The following SCD5 variants were observed in gnomAD, a reference collection of about 807,000 sequenced individuals.
The protein encoded by SCD5 is stearoyl-CoA desaturase 5.
Under a neutral mutation model 30.4 loss-of-function variants are expected in SCD5, and 20 were observed. The observed-to-expected ratio is 0.66, with a 90% confidence interval of 0.46 to 0.96. The LOEUF (loss-of-function observed/expected upper bound fraction) is 0.96. SCD5 is among the 40% of genes least tolerant of loss of function. The pLI, the probability that SCD5 is intolerant of heterozygous loss-of-function variation, is 0.00. For missense variants in SCD5, 381 were observed against 443.3 expected (o/e 0.86, Z 1.26); for synonymous variants, 173 against 176.4 (o/e 0.98, Z 0.16).
intron 2 of SCD5, among the ~76,000 whole-genome samples, chr4:82,699,364 C>A (rs117362255): frequency 6.6e-6 from 1 of 152,128 alleles, no homozygotes; most frequent in Non-Finnish European, 1.5e-5. Flanking sequence ...AATAATAGTA[C>A]CTACTTTGTA....
chr4:82,706,775 G>A (rs1003719056), intron 1 of SCD5, among the ~76,000 whole-genome samples: 1 of 152,240 alleles, frequency 6.6e-6, no homozygotes, highest in Non-Finnish European at 1.5e-5. Flanking sequence ...TGAGCCACTG[G>A]TTGCTGACCT....
At chr4:82,690,712 TTTC>T (rs768624637) in intron 2 of SCD5, among the ~76,000 whole-genome samples, 5 of 152,228 alleles carry the variant, frequency 3.3e-5, no homozygotes, top group African/African-American at 7.2e-5. Context: ...AATCTAAACT[TTTC>T]TTCTTCTTGA....
At chr4:82,738,279 G>A (rs1451414852) in intron 1 of SCD5, among the ~76,000 whole-genome samples, 1 of 152,122 alleles carries the variant, frequency 6.6e-6, no homozygotes, top group Non-Finnish European at 1.5e-5. Context: ...AAAATTAGCT[G>A]GGTGTGGTGG....
chr4:82,708,606 A>T (rs189017367), intron 1 of SCD5, among the ~76,000 whole-genome samples: 3 of 152,342 alleles, frequency 2.0e-5, no homozygotes, highest in Non-Finnish European at 4.4e-5. Flanking sequence ...GAAGAGACAG[A>T]GTCCAGAGCT....
intron 1 of SCD5, among the ~76,000 whole-genome samples, chr4:82,769,481 A>T (rs1212321275): frequency 6.6e-6 from 1 of 152,254 alleles, no homozygotes; most frequent in Non-Finnish European, 1.5e-5. Context: ...TACAAAAATC[A>T]ATAAAATTTT....
chr4:82,743,905 A>C (rs1720933236), intron 1 of SCD5, among the ~76,000 whole-genome samples: 1 of 151,820 alleles, frequency 6.6e-6, no homozygotes, highest in Non-Finnish European at 1.5e-5. Flanking sequence ...ATCTCGGCTC[A>C]CTGCAACCCT....
At chr4:82,722,086 TA>T (rs1720381342) in intron 1 of SCD5, among the ~76,000 whole-genome samples, 1 of 152,234 alleles carries the variant, frequency 6.6e-6, no homozygotes, top group East Asian at 1.9e-4. Context: ...TTTATTACTA[TA>T]AAAAGAGTCA....
chr4:82,778,742 C>T (rs1304329469), intron 1 of SCD5, among the ~76,000 whole-genome samples: 1 of 152,134 alleles, frequency 6.6e-6, no homozygotes, highest in African/African-American at 2.4e-5. Context: ...TCCTCAGTGT[C>T]TGGGTATGGT....
At chr4:82,760,155 C>T (rs1317639595) in intron 1 of SCD5, among the ~76,000 whole-genome samples, 1 of 152,174 alleles carries the variant, frequency 6.6e-6, no homozygotes, top group Non-Finnish European at 1.5e-5. Context: ...AACCCCACGC[C>T]TCCTTTGCTC....
intron 1 of SCD5, among the ~76,000 whole-genome samples, chr4:82,750,683 GTCTGT>G (rs1368207783): frequency 6.6e-6 from 1 of 151,790 alleles, no homozygotes; most frequent in Non-Finnish European, 1.5e-5. Flanking sequence ...AGTTCATTAT[GTCTGT>G]TTAAAAGAAA....
At chr4:82,712,267 TATATATATATATATATATATATATATATA>T (rs1720114100) in intron 1 of SCD5, among the ~76,000 whole-genome samples, 1 of 46,224 alleles carries the variant, frequency 2.2e-5, no homozygotes, top group African/African-American at 1.4e-4. Flanking sequence ...TATATATATA[TATATATATATATATATATATATATATATA>T]TTTTATTTTT....
chr4:82,714,450 A>G (rs1251154102), intron 1 of SCD5, among the ~76,000 whole-genome samples: 1 of 152,178 alleles, frequency 6.6e-6, no homozygotes, highest in East Asian at 1.9e-4. Context: ...TTACTGGGTG[A>G]CAGGGACTCT....
intron 1 of SCD5, among the ~76,000 whole-genome samples, chr4:82,751,766 A>G (rs571802548): frequency 4.6e-4 from 70 of 152,282 alleles, no homozygotes; most frequent in South Asian, 8.3e-4. Context: ...AGCTGGGATT[A>G]CAGGCACGCG....
chr4:82,712,289 T>TACAC (rs1720122318), intron 1 of SCD5, among the ~76,000 whole-genome samples: 1 of 47,868 alleles, frequency 2.1e-5, no homozygotes, highest in Non-Finnish European at 3.8e-5. Context: ...TATATATATA[T>TACAC]ATATATATTT....
chr4:82,676,059 A>G (rs1728429851), intron 3 of SCD5, among the ~76,000 whole-genome samples: 1 of 151,990 alleles, frequency 6.6e-6, no homozygotes, highest in African/African-American at 2.4e-5. Context: ...TTCTAGGAAG[A>G]CTCCTTAAAG....
chr4:82,705,419 AGACACAAGCAGG>A lies in SCD5; in HGVS notation c.233-18_233-7del. ...CAGGAGGAAGCAGAAGTAGGCTGCAAGACACAAGCAGGGACAACGTCAACAATGGTCCCTGAG... is the reference window on the plus strand; with the variant it reads ...CAGGAGGAAGCAGAAGTAGGCTGCAAGACAACGTCAACAATGGTCCCTGAG... On this transcript the variant is annotated splice_polypyrimidine_tract_variant and splice_region_variant and intron_variant, in intron 1 of 4. Transcript: ENST00000319540. 6.2e-7 allele frequency: 1 copy of A among 1,614,162 alleles called. No homozygotes were observed. The highest frequency in any genetic ancestry group is 8.5e-7 in the Non-Finnish European group (1 of 1,179,996).
chr4:82,639,436 G>A (rs1727496337), intron 3 of SCD5, among the ~76,000 whole-genome samples: 1 of 152,222 alleles, frequency 6.6e-6, no homozygotes, highest in African/African-American at 2.4e-5. Context: ...GGCGTTCTGG[G>A]CCAGATGATC....
chr4:82,664,961 A>ATC (rs368839845), intron 3 of SCD5, among the ~76,000 whole-genome samples: 800 of 77,040 alleles, frequency 0.01, 12 homozygotes, highest in East Asian at 0.044. Flanking sequence ...GCAAGACCCC[A>ATC]TCTCTCTCTC....
intron 1 of SCD5, among the ~76,000 whole-genome samples, chr4:82,745,163 C>T (rs1177406888): frequency 6.6e-6 from 1 of 152,178 alleles, no homozygotes; most frequent in East Asian, 1.9e-4. Flanking sequence ...TGACAAAAAT[C>T]TTCAAGGTCC....
Sources: gnomAD v4.1 joint callset for allele counts (sites outside exome capture counted in the v4.1 genomes callset) on GRCh38, gnomAD v4.1.1 for gene constraint, MANE v1.5 for transcripts, NCBI Gene and HGNC (gene_info 2026-07-23, HGNC 2026-07-21) for gene names.